The following LRRC37A2 variants were observed in gnomAD, a reference collection of about 807,000 sequenced individuals.
The protein encoded by LRRC37A2 is leucine-rich repeat-containing protein 37A2.
In LRRC37A2, 9 loss-of-function variants were observed where a neutral mutation model predicts 68.8. The ratio of observed to expected loss-of-function variants is 0.13; its 90% CI spans 0.08 to 0.23. LRRC37A2 has a LOEUF of 0.23. LRRC37A2 is among the 10% of genes least tolerant of loss of function. The pLI is 1.00. For synonymous variants in LRRC37A2, 63 were observed against 367.6 expected, an observed-to-expected ratio of 0.17 and a Z score of 9.48; for missense variants, 168 against 950.4, an observed-to-expected ratio of 0.18 and a Z score of 10.82.
chr17:46,866,852 A>G, the LRRC37A2 span, among the ~76,000 whole-genome samples: 1 of 152,132 alleles, frequency 6.6e-6, no homozygotes, highest in African/African-American at 2.4e-5. Flanking sequence ...AGCAGAAACT[A>G]GGATGGGAGT....
At chr17:46,935,352 A>G in the LRRC37A2 span, 1 of 1,459,672 alleles carries the variant, frequency 6.9e-7, no homozygotes. Context: ...GAAAGTACCC[A>G]GTTCCTTTGC....
chr17:46,990,673 G>A, the LRRC37A2 span, among the ~76,000 whole-genome samples: 1 of 112,968 alleles, frequency 8.9e-6, no homozygotes, highest in Non-Finnish European at 2.2e-5. Flanking sequence ...CACACAAAAT[G>A]CTTTTTTTTT....
the LRRC37A2 span, among the ~76,000 whole-genome samples, chr17:46,826,514 G>A: frequency 6.6e-6 from 1 of 152,206 alleles, no homozygotes; most frequent in Non-Finnish European, 1.5e-5. Flanking sequence ...GTCTGACTGG[G>A]AAATCCTCTC....
chr17:46,403,486 C>T, the LRRC37A2 span, among the ~76,000 whole-genome samples: 21 of 54,890 alleles, frequency 3.8e-4, 3 homozygotes, highest in African/African-American at 1.2e-3. Context: ...CAATTCTGGG[C>T]GACAGAGCAA....
At chr17:46,935,351 C>T in the LRRC37A2 span, 4 of 1,460,288 alleles carry the variant, frequency 2.7e-6, no homozygotes, top group African/African-American at 2.8e-5. Flanking sequence ...TGAAAGTACC[C>T]AGTTCCTTTG....
At chr17:46,921,603 C>A in the LRRC37A2 span, among the ~76,000 whole-genome samples, 10 of 152,148 alleles carry the variant, frequency 6.6e-5, no homozygotes, top group Non-Finnish European at 1.0e-4. Context: ...AGCTAATATC[C>A]AGAATCTACA....
chr17:46,638,425 T>G, the LRRC37A2 span, among the ~76,000 whole-genome samples: 2 of 48,420 alleles, frequency 4.1e-5, no homozygotes, highest in Non-Finnish European at 7.0e-5. Flanking sequence ...TCATCCAGGC[T>G]GGAGTGCAGC....
the LRRC37A2 span, among the ~76,000 whole-genome samples, chr17:46,902,059 T>C: frequency 1 from 151,773 of 152,254 alleles, 75,647 homozygotes; most frequent in East Asian, 1. Flanking sequence ...CCACCCACCT[T>C]GGCCTCCCAA....
chr17:46,832,019 G>C, the LRRC37A2 span, among the ~76,000 whole-genome samples: 1 of 152,236 alleles, frequency 6.6e-6, no homozygotes, highest in African/African-American at 2.4e-5. Context: ...CCTAGGTGAA[G>C]GGTTGTCCAT....
the LRRC37A2 span, among the ~76,000 whole-genome samples, chr17:46,799,758 T>C: frequency 1.3e-5 from 2 of 152,220 alleles, no homozygotes; most frequent in African/African-American, 4.8e-5. Context: ...AGTTTCTGTC[T>C]GTTATTTCAT....
intron 6 of LRRC37A2, among the ~76,000 whole-genome samples, chr17:46,532,729 TTTA>T (rs2053879272): frequency 6.8e-6 from 1 of 146,312 alleles, no homozygotes. Flanking sequence ...TATAATCCTT[TTTA>T]TTCATATTAT....
the LRRC37A2 span, chr17:46,964,876 G>A: frequency 1.3e-5 from 2 of 152,326 alleles, no homozygotes; most frequent in Admixed American, 6.5e-5. Flanking sequence ...AAGAGCACCC[G>A]GCCCTGATGG....
the LRRC37A2 span, among the ~76,000 whole-genome samples, chr17:46,779,059 A>T: frequency 8.5e-5 from 7 of 82,684 alleles, no homozygotes; most frequent in East Asian, 7.0e-4. Flanking sequence ...CCCATCACAC[A>T]CACACACACA....
the LRRC37A2 span, among the ~76,000 whole-genome samples, chr17:46,782,716 A>G: frequency 6.6e-6 from 1 of 152,192 alleles, no homozygotes; most frequent in Non-Finnish European, 1.5e-5. Context: ...TGACGAGGCA[A>G]TCACTGCTGT....
the LRRC37A2 span, chr17:46,941,694 C>G: frequency 1.2e-5 from 2 of 160,578 alleles, no homozygotes; most frequent in African/African-American, 4.8e-5. Flanking sequence ...ATACCTCAGC[C>G]TCCTGAGTAG....
At chr17:46,850,474 A>G in the LRRC37A2 span, among the ~76,000 whole-genome samples, 15 of 152,132 alleles carry the variant, frequency 9.9e-5, no homozygotes, top group Non-Finnish European at 2.2e-4. Flanking sequence ...TCAGCCCCCT[A>G]CCATGCTGGT....
chr17:46,813,290 G>A, the LRRC37A2 span, among the ~76,000 whole-genome samples: 1 of 151,832 alleles, frequency 6.6e-6, no homozygotes, highest in Admixed American at 6.6e-5. Context: ...AGCCCAGAAG[G>A]AGGCAGGGAC....
chr17:46,633,908 G>C, the LRRC37A2 span, among the ~76,000 whole-genome samples: 5 of 50,966 alleles, frequency 9.8e-5, no homozygotes, highest in Non-Finnish European at 1.6e-4. Flanking sequence ...TTTCACTCTT[G>C]TTGCCCAGGC....
the LRRC37A2 span, among the ~76,000 whole-genome samples, chr17:46,958,573 G>T: frequency 1.3e-5 from 2 of 152,228 alleles, no homozygotes; most frequent in Non-Finnish European, 2.9e-5. Flanking sequence ...GAGCTGCTTA[G>T]AGGCCTGGGT....
Sources: allele counts gnomAD v4.1 joint callset (sites outside exome capture counted in the v4.1 genomes callset), GRCh38; gene constraint gnomAD v4.1.1; transcripts MANE v1.5; gene names NCBI Gene and HGNC (gene_info 2026-07-23, HGNC 2026-07-21).